The following CATSPERB variants were observed in gnomAD, a reference collection of about 807,000 sequenced individuals.
CATSPERB encodes catsper channel auxiliary subunit beta, also known as cation channel sperm-associated auxiliary subunit beta.
In CATSPERB, 93 loss-of-function variants were observed where a neutral mutation model predicts 128.3. That is an observed-to-expected ratio of 0.72 (90% CI 0.61 to 0.86). CATSPERB has a LOEUF of 0.86. Among genes scored for constraint, CATSPERB ranks in the 40% least tolerant of loss-of-function variants. The pLI, the probability that CATSPERB is intolerant of heterozygous loss-of-function variation, is 0.00. For missense variants in CATSPERB, 1,153 were observed against 1,329.5 expected (o/e 0.87, Z 2.06); for synonymous variants, 381 against 448.8 (o/e 0.85, Z 1.91).
chr14:91,678,517 T>C (rs1895228756), intron 11 of CATSPERB, among the ~76,000 whole-genome samples: 1 of 152,220 alleles, frequency 6.6e-6, no homozygotes, highest in African/African-American at 2.4e-5. Context: ...ATGTGATATG[T>C]CATATCTGGC....
intron 1 of CATSPERB, among the ~76,000 whole-genome samples, chr14:91,730,050 G>A (rs562947360): frequency 6.6e-6 from 1 of 152,220 alleles, no homozygotes; most frequent in Non-Finnish European, 1.5e-5. Flanking sequence ...CTCCTGTAAT[G>A]CACTCCACTA....
chr14:91,620,737 T>C (rs1473579771), intron 19 of CATSPERB, among the ~76,000 whole-genome samples: 1 of 152,162 alleles, frequency 6.6e-6, no homozygotes, highest in African/African-American at 2.4e-5. Flanking sequence ...GCCCTGTATA[T>C]ACCAAAATCC....
At chr14:91,712,829 A>G (rs1895864035) in intron 5 of CATSPERB, among the ~76,000 whole-genome samples, 2 of 152,166 alleles carry the variant, frequency 1.3e-5, no homozygotes, top group Admixed American at 1.3e-4. Flanking sequence ...CAATTTAGAC[A>G]CACCAATTAA....
intron 15 of CATSPERB, among the ~76,000 whole-genome samples, chr14:91,649,378 G>A (rs945483666): frequency 1.3e-4 from 19 of 151,416 alleles, no homozygotes; most frequent in Admixed American, 3.3e-4. Flanking sequence ...TTGTTGCCCC[G>A]GCTGGTCTTG....
At chr14:91,638,079 T>A (rs1287586854) in intron 16 of CATSPERB, among the ~76,000 whole-genome samples, 2 of 152,154 alleles carry the variant, frequency 1.3e-5, no homozygotes, top group Non-Finnish European at 2.9e-5. Context: ...AACTGCAGCC[T>A]TGGCCTGGTA....
At chr14:91,600,160 CTA>C (rs1220941218) in intron 22 of CATSPERB, among the ~76,000 whole-genome samples, 8 of 152,092 alleles carry the variant, frequency 5.3e-5, no homozygotes, top group Non-Finnish European at 2.9e-5. Context: ...TACAGTAATT[CTA>C]TGTTTAACTT....
Position 91,704,683 on chromosome 14 carries a change from G to A in CATSPERB, c.485C>T (p.Thr162Ile), listed in dbSNP as rs140857945. Reference sequence around the variant, plus strand: ...ACTTTCTGGAATCACATCCCCAGGAGTCCACTGAAGAATCGGTTCTGTGGA... The same window carrying A: ...ACTTTCTGGAATCACATCCCCAGGAATCCACTGAAGAATCGGTTCTGTGGA... Reference protein sequence around the residue: ...DVIREPILQWTPGDVIPESEI... With the variant: ...DVIREPILQWIPGDVIPESEI... Residue 162 changes from threonine to isoleucine, a missense_variant, in exon 7 of 27, where the codon ACT becomes ATT. Physicochemically the swap from Thr to Ile is moderately conservative, Grantham distance 89. Coordinates refer to ENST00000256343, the MANE Select transcript of CATSPERB (RefSeq NM_024764.4). The A allele has an allele frequency of 3.2e-5, 52 of 1,613,226 alleles. No homozygotes were observed. The highest frequency in any genetic ancestry group is 4.2e-5 in the Non-Finnish European group (50 of 1,179,706).
chr14:91,693,559 G>C (rs146390971), intron 7 of CATSPERB, 80 bp from the exon 8 acceptor site: 3 of 927,800 alleles, frequency 3.2e-6, no homozygotes, highest in Non-Finnish European at 5.2e-6. Context: ...CCCAGAGTCC[G>C]TTCCAACTCC....
chr14:91,630,492 T>C (rs750844725), intron 17 of CATSPERB, among the ~76,000 whole-genome samples: 2 of 152,220 alleles, frequency 1.3e-5, no homozygotes, highest in East Asian at 1.9e-4. Flanking sequence ...AATGTGGAAC[T>C]CTGAATTACC....
intron 7 of CATSPERB, among the ~76,000 whole-genome samples, chr14:91,693,815 G>A (rs1741130441): frequency 6.6e-6 from 1 of 152,040 alleles, no homozygotes; most frequent in Admixed American, 6.6e-5. Flanking sequence ...TTTAGTTTAA[G>A]GATTTTTTTT....
chr14:91,610,336 C>T (rs1893800573), intron 21 of CATSPERB, 144 bp downstream of exon 21: 2 of 641,560 alleles, frequency 3.1e-6, no homozygotes, highest in South Asian at 2.1e-5. Context: ...ATCACATCCT[C>T]AAAATGACAT....
rs527758140 is a variant in CATSPERB, at chr14:91,725,136, T to C, written c.112A>G (p.Lys38Glu). The change falls in exon 3 of 27, where the codon AAA (lysine) becomes GAA (glutamate). Residue 38 changes from lysine (K) to glutamate (E), a missense_variant. Lys to Glu is a moderately conservative substitution (Grantham distance 56, BLOSUM62 1). Transcript: ENST00000256343. ...ATTTCATTCTCTTGAGGGAACCCTT[T>C]GTTAGAACATGCAAAGCGTTTCTCT... ...DTEKRFACSN[K>E]GFPQENEIIK... 6.3e-7 allele frequency: 1 copy of C among 1,577,482 alleles called. No individual in the cohort carries two copies. Among genetic ancestry groups the C allele is most frequent in the Admixed American group, 1.8e-5 (1 of 54,844 alleles).
At chr14:91,702,698 A>C (rs1209583145) in intron 7 of CATSPERB, among the ~76,000 whole-genome samples, 1 of 151,580 alleles carries the variant, frequency 6.6e-6, no homozygotes, top group African/African-American at 2.4e-5. Flanking sequence ...ACACACACAC[A>C]CACACACAAA....
chr14:91,640,245 TTTTTTTA>T (rs1392987210), intron 15 of CATSPERB, among the ~76,000 whole-genome samples: 26 of 102,060 alleles, frequency 2.5e-4, no homozygotes, highest in East Asian at 1.2e-3. Flanking sequence ...ATTCTTTTTA[TTTTTTTA>T]TTTTTTTTTT....
intron 7 of CATSPERB, among the ~76,000 whole-genome samples, chr14:91,701,515 G>A (rs915173626): frequency 1.3e-5 from 2 of 152,154 alleles, no homozygotes; most frequent in Non-Finnish European, 2.9e-5. Context: ...CGGGATAAAA[G>A]TTTGAATCAA....
Position 91,594,378 on chromosome 14 carries a change from A to G in CATSPERB, c.2710-2376T>C, listed in dbSNP as rs909032565. On this transcript the variant is annotated intron_variant, in intron 22 of 26. Transcript: ENST00000256343. ...GCATTAGGAGATATACCTAATGCTA[A>G]ATGACGAGTTAATGGGTGCAGCACA... Among the ~76,000 whole-genome samples, 8 of 152,240 alleles carry G rather than the reference A, an allele frequency of 5.3e-5. No homozygotes were observed. In the East Asian group the frequency reaches 7.7e-4, roughly 15 times the overall value.
intron 11 of CATSPERB, among the ~76,000 whole-genome samples, chr14:91,679,191 G>A (rs1260145000): frequency 6.6e-6 from 1 of 152,094 alleles, no homozygotes; most frequent in Non-Finnish European, 1.5e-5. Flanking sequence ...TATAAAACTT[G>A]TAGAATTATT....
intron 19 of CATSPERB, among the ~76,000 whole-genome samples, chr14:91,621,219 T>C (rs1029569550): frequency 3.3e-5 from 5 of 152,120 alleles, no homozygotes; most frequent in Non-Finnish European, 5.9e-5. Context: ...CTGGCCAACA[T>C]GGCAAAACCC....
At chr14:91,603,473 C>A in intron 22 of CATSPERB, 1 of 1,336,832 alleles carries the variant, frequency 7.5e-7, no homozygotes, top group Non-Finnish European at 1.1e-6. Context: ...AATTCTGCTC[C>A]CTAAGTCTTA....
Sources: gnomAD v4.1 joint callset for allele counts (sites outside exome capture counted in the v4.1 genomes callset) on GRCh38, gnomAD v4.1.1 for gene constraint, MANE v1.5 for transcripts, NCBI Gene and HGNC (gene_info 2026-07-23, HGNC 2026-07-21) for gene names.